GHR: variants seen among roughly 807,000 people sequenced by gnomAD.
The protein encoded by GHR is growth hormone receptor.
A neutral mutation model predicts 67.1 loss-of-function variants in GHR; 35 were observed. The observed-to-expected ratio is 0.52, with a 90% CI of 0.40 to 0.69. GHR has a LOEUF of 0.69. Ranked by LOEUF, GHR falls within the 30% of genes least tolerant of loss-of-function variation. GHR has a pLI of 0.00. For missense variants in GHR, 792 were observed against 764.6 expected (o/e 1.04, Z -0.42); for synonymous variants, 272 against 269.1 (o/e 1.01, Z -0.10).
intron 6 of GHR, among the ~76,000 whole-genome samples, chr5:42,702,518 G>T (rs990484072): frequency 6.6e-5 from 10 of 151,918 alleles, no homozygotes; most frequent in Admixed American, 5.9e-4. Context: ...AGATATTCTG[G>T]CTCAACATAC....
At chr5:42,492,902 T>C (rs145937259) in intron 1 of GHR, among the ~76,000 whole-genome samples, 2 of 152,288 alleles carry the variant, frequency 1.3e-5, no homozygotes, top group Non-Finnish European at 2.9e-5. Flanking sequence ...GAAAATAATA[T>C]GCAAAAATTG....
At chr5:42,617,016 A>G (rs1460238858) in intron 2 of GHR, among the ~76,000 whole-genome samples, 1 of 152,110 alleles carries the variant, frequency 6.6e-6, no homozygotes, top group East Asian at 1.9e-4. Flanking sequence ...AGAGACAGCC[A>G]TTCAGACAAG....
At chr5:42,470,138 T>G (rs1744938449) in intron 1 of GHR, among the ~76,000 whole-genome samples, 1 of 118,120 alleles carries the variant, frequency 8.5e-6, no homozygotes, top group Non-Finnish European at 1.7e-5. Context: ...TGTTATTACA[T>G]TAATATACTA....
intron 1 of GHR, among the ~76,000 whole-genome samples, chr5:42,550,833 T>C (rs997621900): frequency 3.9e-5 from 6 of 152,128 alleles, no homozygotes; most frequent in African/African-American, 1.4e-4. Context: ...AGGCAGAATT[T>C]TGATGTCGTT....
At chr5:42,541,938 C>A (rs1303401867) in intron 1 of GHR, among the ~76,000 whole-genome samples, 2 of 152,016 alleles carry the variant, frequency 1.3e-5, no homozygotes, top group East Asian at 1.9e-4. Flanking sequence ...GTTTGAGACG[C>A]CTATAAAACA....
rs879458160 is a variant in GHR, at chr5:42,672,257, C to T, written c.137-16633C>T. Reference sequence around the variant, plus strand: ...GCCTAGAAAAACCTAAAGGCTCCACCAAAAAAGCTCTTGGAACTGATAAAC... The same window carrying T: ...GCCTAGAAAAACCTAAAGGCTCCACTAAAAAAGCTCTTGGAACTGATAAAC... On this transcript the variant is annotated intron_variant, in intron 3 of 9. Coordinates refer to ENST00000230882, the MANE Select transcript of GHR (RefSeq NM_000163.5). 2.0e-4 allele frequency among the ~76,000 whole-genome samples: 31 copies of T among 152,004 alleles called. 1 individual carries two copies. The highest frequency in any genetic ancestry group is 9.2e-4 in the Admixed American group (14 of 15,256).
At chr5:42,433,463 T>C (rs569939388) in intron 1 of GHR, among the ~76,000 whole-genome samples, 4 of 152,260 alleles carry the variant, frequency 2.6e-5, no homozygotes, top group African/African-American at 9.6e-5. Context: ...AATCCATTAG[T>C]GTGTTCCCAG....
intron 3 of GHR, among the ~76,000 whole-genome samples, chr5:42,662,987 A>G (rs1755733024): frequency 6.6e-6 from 1 of 152,230 alleles, no homozygotes; most frequent in South Asian, 2.1e-4. Context: ...ATAAACTAGA[A>G]AATCTAGAAG....
chr5:42,480,794 A>G (rs979584015), intron 1 of GHR, among the ~76,000 whole-genome samples: 4 of 152,010 alleles, frequency 2.6e-5, no homozygotes, highest in African/African-American at 9.7e-5. Context: ...TGCATGTGAG[A>G]TGGGTTTCCT....
At chr5:42,662,103 A>T (rs1313296561) in intron 3 of GHR, among the ~76,000 whole-genome samples, 1 of 152,224 alleles carries the variant, frequency 6.6e-6, no homozygotes, top group African/African-American at 2.4e-5. Flanking sequence ...AGATTCATAA[A>T]GCAAGTCCTG....
intron 1 of GHR, among the ~76,000 whole-genome samples, chr5:42,487,855 T>C (rs1430533915): frequency 1.3e-5 from 2 of 152,200 alleles, no homozygotes; most frequent in African/African-American, 4.8e-5. Flanking sequence ...ACAAAGCTTA[T>C]ACTGTTGATG....
At position 42,627,146 on chromosome 5, in the gene GHR, T is replaced by C. The variant is rs553141299; in HGVS notation, c.71-1892T>C. On this transcript the variant is annotated intron_variant, in intron 2 of 9. Coordinates refer to ENST00000230882, the MANE Select transcript of GHR (RefSeq NM_000163.5). Reference sequence around the variant, plus strand: ...CTCATGTTGAGCTTTTCACCTCCCTTCATTCCCTCCCTACTTCCAGGATCA... The same window carrying C: ...CTCATGTTGAGCTTTTCACCTCCCTCCATTCCCTCCCTACTTCCAGGATCA... Among the ~76,000 whole-genome samples the C allele has an allele frequency of 4.6e-5, 7 of 152,320 alleles. No individual in the cohort carries two copies. In the South Asian group the frequency reaches 1.2e-3, roughly 27 times the overall value.
At chr5:42,631,869 G>A (rs1326608685) in intron 3 of GHR, among the ~76,000 whole-genome samples, 1 of 152,034 alleles carries the variant, frequency 6.6e-6, no homozygotes, top group Non-Finnish European at 1.5e-5. Flanking sequence ...CCCTCTCCAA[G>A]CTACCTTTAC....
intron 3 of GHR, among the ~76,000 whole-genome samples, chr5:42,664,276 G>A (rs1293890947): frequency 2.0e-5 from 3 of 152,154 alleles, no homozygotes; most frequent in Admixed American, 6.6e-5. Flanking sequence ...AAAAGAGCCT[G>A]CATCGCCAAG....
At chr5:42,442,174 T>C (rs1312813668) in intron 1 of GHR, among the ~76,000 whole-genome samples, 2 of 152,136 alleles carry the variant, frequency 1.3e-5, no homozygotes, top group East Asian at 3.9e-4. Context: ...GCTGGCATAC[T>C]AGGAAGGAAA....
chr5:42,570,904 A>G (rs1750265160), intron 2 of GHR, among the ~76,000 whole-genome samples: 1 of 152,208 alleles, frequency 6.6e-6, no homozygotes, highest in South Asian at 2.1e-4. Context: ...GTTGATGACA[A>G]TAGGTCAGGA....
chr5:42,579,143 T>TAG (rs1491290403), intron 2 of GHR, among the ~76,000 whole-genome samples: 3 of 34,598 alleles, frequency 8.7e-5, no homozygotes, highest in Admixed American at 5.3e-4. Context: ...AGATAGATGA[T>TAG]AGATAGATAT....
chr5:42,443,988 T>TATAGAC (rs1343712079), intron 1 of GHR, among the ~76,000 whole-genome samples: 2 of 151,612 alleles, frequency 1.3e-5, no homozygotes, highest in African/African-American at 4.8e-5. Flanking sequence ...TAGATATAGA[T>TATAGAC]ATAGACATAG....
At chr5:42,480,957 T>G (rs1483282880) in intron 1 of GHR, among the ~76,000 whole-genome samples, 2 of 152,224 alleles carry the variant, frequency 1.3e-5, no homozygotes, top group Non-Finnish European at 2.9e-5. Context: ...TTTTGCTCAT[T>G]AGTTGATGCA....
Sources: gnomAD v4.1 joint callset for allele counts (sites outside exome capture counted in the v4.1 genomes callset) on GRCh38, gnomAD v4.1.1 for gene constraint, MANE v1.5 for transcripts, NCBI Gene and HGNC (gene_info 2026-07-23, HGNC 2026-07-21) for gene names.